Variants in ZC3H7B observed in about 807,000 individuals in gnomAD.
ZC3H7B encodes zinc finger CCCH domain-containing protein 7B.
A neutral mutation model predicts 116.0 loss-of-function variants in ZC3H7B; 35 were observed. The ratio of observed to expected loss-of-function variants is 0.30; its 90% CI spans 0.23 to 0.40. ZC3H7B has a LOEUF of 0.40. Among genes scored for constraint, ZC3H7B ranks in the 10% least tolerant of loss-of-function variants. ZC3H7B has a pLI of 1.00. For synonymous variants in ZC3H7B, 502 were observed against 545.6 expected, an observed-to-expected ratio of 0.92 and a Z score of 1.11; for missense variants, 1,011 against 1,321.5, an observed-to-expected ratio of 0.77 and a Z score of 3.64.
chr22:41,337,235 G>A (rs1018887294), intron 7 of ZC3H7B, among the ~76,000 whole-genome samples: 1 of 152,128 alleles, frequency 6.6e-6, no homozygotes, highest in African/African-American at 2.4e-5. Flanking sequence ...GGCTGAGGCA[G>A]GAGAATTGCT....
chr22:41,323,226 C>G (rs886324088), intron 2 of ZC3H7B, among the ~76,000 whole-genome samples: 4 of 152,214 alleles, frequency 2.6e-5, no homozygotes, highest in Non-Finnish European at 5.9e-5. Context: ...AAACCCTCCT[C>G]AGACTTGTTC....
chr22:41,332,261 T>A (rs1427763653), intron 7 of ZC3H7B, 34 bp downstream of exon 7: 8 of 1,613,090 alleles, frequency 5.0e-6, no homozygotes, highest in East Asian at 2.2e-5. Flanking sequence ...TGTCTCAGTT[T>A]ATCCATTATG....
intron 14 of ZC3H7B, among the ~76,000 whole-genome samples, chr22:41,347,419 G>C (rs2036600974): frequency 1.3e-5 from 2 of 152,048 alleles, no homozygotes; most frequent in South Asian, 4.1e-4. Flanking sequence ...TCTGGGCTTG[G>C]AACCTCTCAG....
chr22:41,357,550 A>G lies in ZC3H7B; in HGVS notation c.*121A>G. ...GGGCCGCCCTCATCAGGCAGCCCCCAGCCCCCTGAGGCCCTGTCCATCTTC... is the reference window on the plus strand; with the variant it reads ...GGGCCGCCCTCATCAGGCAGCCCCCGGCCCCCTGAGGCCCTGTCCATCTTC... On this transcript the variant is annotated 3_prime_UTR_variant, in exon 23 of 23. Coordinates refer to ENST00000352645, the MANE Select transcript of ZC3H7B (RefSeq NM_017590.6). This position sits in a 1 kb window ranked among gnomAD's most constrained non-coding sequence, Gnocchi z 5.4. 9.9e-7 allele frequency: 1 copy of G among 1,012,996 alleles called. No individual in the cohort carries two copies. The allele number at this position is 1,012,996 out of a possible 1,614,324, so 62.8% of individuals were successfully genotyped here.
At chr22:41,308,095 A>C (rs1432438848) in intron 1 of ZC3H7B, among the ~76,000 whole-genome samples, 2 of 152,156 alleles carry the variant, frequency 1.3e-5, no homozygotes, top group Non-Finnish European at 2.9e-5. Context: ...CCCAGTCCAC[A>C]ATGTGACTTG....
At chr22:41,320,125 G>A (rs1004034368) in intron 1 of ZC3H7B, among the ~76,000 whole-genome samples, 22 of 152,042 alleles carry the variant, frequency 1.4e-4, no homozygotes, top group African/African-American at 4.8e-4. Flanking sequence ...CTGAGGTCAG[G>A]TGTTCGAGAC....
At chr22:41,339,670 G>C (rs1473715359) in intron 9 of ZC3H7B, 146 bp from the exon 10 acceptor site, 1 of 690,028 alleles carries the variant, frequency 1.4e-6, no homozygotes, top group African/African-American at 1.8e-5. Context: ...TGGCCAGAAG[G>C]GACCATAGTG....
chr22:41,319,874 T>C (rs1408581736), intron 1 of ZC3H7B, among the ~76,000 whole-genome samples: 1 of 151,506 alleles, frequency 6.6e-6, no homozygotes, highest in African/African-American at 2.4e-5. Flanking sequence ...ACTAAAAATA[T>C]GAAAATTATC....
At chr22:41,314,082 A>G (rs913685026) in intron 1 of ZC3H7B, among the ~76,000 whole-genome samples, 1 of 149,942 alleles carries the variant, frequency 6.7e-6, no homozygotes, top group Non-Finnish European at 1.5e-5. Flanking sequence ...AGTGAGTTTG[A>G]GTATCTTAAT....
chr22:41,345,756 T>C (rs1195417454), intron 13 of ZC3H7B, among the ~76,000 whole-genome samples: 2 of 151,782 alleles, frequency 1.3e-5, no homozygotes, highest in Admixed American at 6.6e-5. Context: ...CAGCAGGGGG[T>C]GCAGCAGACC....
At chr22:41,336,014 A>AG (rs2036441930) in intron 7 of ZC3H7B, 1 of 153,126 alleles carries the variant, frequency 6.5e-6, no homozygotes, top group Non-Finnish European at 1.5e-5. Context: ...CTAGTGGTGG[A>AG]GTCTGGTCCT....
chr22:41,327,404 G>A lies in ZC3H7B; in HGVS notation c.444+40G>A. The A allele has an allele frequency of 6.3e-7, 1 of 1,597,334 alleles. No individual in the cohort carries two copies. The highest frequency in any genetic ancestry group is 8.5e-7 in the Non-Finnish European group (1 of 1,176,266). On this transcript the variant is annotated intron_variant, in intron 5 of 22. Coordinates refer to ENST00000352645, the MANE Select transcript of ZC3H7B (RefSeq NM_017590.6). This position sits in a 1 kb window ranked among gnomAD's most constrained non-coding sequence, Gnocchi z 4.5. ...GCAGCCACGCCGGTGCCTGCTCAGA[G>A]GCCAGGCTTCTGACCTTCCGGCCCT...
chr22:41,340,811 G>A (rs751932133), intron 10 of ZC3H7B, among the ~76,000 whole-genome samples: 5 of 152,164 alleles, frequency 3.3e-5, no homozygotes, highest in Admixed American at 1.3e-4. Flanking sequence ...CTTGGTCTCC[G>A]AGGACCTGGG....
At chr22:41,350,084 G>A (rs1448972134) in intron 16 of ZC3H7B, among the ~76,000 whole-genome samples, 2 of 152,184 alleles carry the variant, frequency 1.3e-5, no homozygotes, top group Admixed American at 1.3e-4. Flanking sequence ...ACTCGGGGAT[G>A]GGAGCATTTT....
intron 14 of ZC3H7B, 102 bp from the exon 15 acceptor site, chr22:41,347,965 G>T (rs1355255083): frequency 1.0e-6 from 1 of 977,020 alleles, no homozygotes; most frequent in East Asian, 2.4e-5. Flanking sequence ...GGCAGGGCTT[G>T]CAGGGACCCA....
chr22:41,353,027 T>C (rs2036672863), intron 17 of ZC3H7B, among the ~76,000 whole-genome samples: 2 of 150,932 alleles, frequency 1.3e-5, no homozygotes, highest in Admixed American at 6.6e-5. Context: ...TTGCAGTGAG[T>C]TGAGATTGTG....
intron 4 of ZC3H7B, 47 bp downstream of exon 4, chr22:41,325,965 C>T: frequency 6.4e-7 from 1 of 1,556,020 alleles, no homozygotes; most frequent in Non-Finnish European, 8.7e-7. Context: ...GCCCTGATCC[C>T]CTGGATGCCC....
chr22:41,341,903 AAT>A lies in ZC3H7B; in HGVS notation c.1198-624_1198-623del, dbSNP rs374739209. 6.0e-4 allele frequency among the ~76,000 whole-genome samples: 91 copies of A among 152,200 alleles called. 1 individual carries two copies. In the South Asian group the frequency reaches 0.01, roughly 17 times the overall value. On this transcript the variant is annotated intron_variant, in intron 11 of 22. Transcript: ENST00000352645. ...ATGGTGATACCCCGTCTCTATTAAAAATACAAAAATTAGCTGGGTGTAGTGGC... is the reference window on the plus strand; with the variant it reads ...ATGGTGATACCCCGTCTCTATTAAAAACAAAAATTAGCTGGGTGTAGTGGC...
rs889640297 is a variant in ZC3H7B at position 41,342,550 on chromosome 22, A to G, written c.1219A>G (p.Thr407Ala). 9.9e-6 allele frequency: 16 copies of G among 1,613,092 alleles called. No individual in the cohort carries two copies. The highest frequency in any genetic ancestry group is 1.1e-5 in the Non-Finnish European group (13 of 1,179,888). Residue 407 changes from threonine (T) to alanine (A), a missense_variant, in exon 12 of 23, where the codon ACT becomes GCT. Coordinates refer to ENST00000352645, the MANE Select transcript of ZC3H7B (RefSeq NM_017590.6). Reference protein sequence around the residue: ...APSPEPCMPNTALLIKNPLAA... With the variant: ...APSPEPCMPNAALLIKNPLAA... ...ACAGCCAGAGCCCTGCATGCCCAAC[A>G]CTGCCTTGCTCATCAAGAACCCCTT...
Sources: gnomAD v4.1 joint callset for allele counts (sites outside exome capture counted in the v4.1 genomes callset) on GRCh38, gnomAD v4.1.1 for gene constraint, Gnocchi (gnomAD v3.1) non-coding constraint, MANE v1.5 for transcripts, NCBI Gene and HGNC (gene_info 2026-07-23, HGNC 2026-07-21) for gene names.